The following USP32 variants were observed in gnomAD, a reference collection of about 807,000 sequenced individuals.
USP32 encodes ubiquitin carboxyl-terminal hydrolase 32.
A neutral mutation model predicts 204.8 loss-of-function variants in USP32; 59 were observed. The ratio of observed to expected loss-of-function variants is 0.29; its 90% CI spans 0.23 to 0.36. The LOEUF (loss-of-function observed/expected upper bound fraction) is 0.36. Ranked by LOEUF, USP32 falls within the 10% of genes least tolerant of loss-of-function variation. The pLI is 1.00. For synonymous variants in USP32, 517 were observed against 678.4 expected, an observed-to-expected ratio of 0.76 and a Z score of 3.70; for missense variants, 1,160 against 1,946.4, an observed-to-expected ratio of 0.60 and a Z score of 7.60.
intron 7 of USP32, among the ~76,000 whole-genome samples, chr17:60,267,746 C>G (rs1387917386): frequency 6.6e-6 from 1 of 152,054 alleles, no homozygotes; most frequent in Non-Finnish European, 1.5e-5. Context: ...ATCTTGAACT[C>G]CTGACCTTGT....
intron 2 of USP32, among the ~76,000 whole-genome samples, chr17:60,308,317 C>T (rs1052367439): frequency 6.6e-6 from 1 of 152,076 alleles, no homozygotes; most frequent in African/African-American, 2.4e-5. Context: ...AAACAGTCAC[C>T]CCTAGATGCT....
chr17:60,208,612 A>G (rs2084890104), intron 23 of USP32, 42 bp downstream of exon 23: 2 of 1,461,644 alleles, frequency 1.4e-6, no homozygotes, highest in Admixed American at 2.6e-5. Context: ...AATAAAGTAA[A>G]TTTAATGGAG....
chr17:60,269,432 A>C lies in USP32; in HGVS notation c.811+18T>G. On this transcript the variant is annotated intron_variant, in intron 7 of 33. Coordinates refer to ENST00000300896, the MANE Select transcript of USP32 (RefSeq NM_032582.4). ...TCTACATAGTTTGCAATTTTTTGAC[A>C]ATGTTTAACACACTTACATTTTTGT... 1 of 1,592,912 alleles carries C rather than the reference A, an allele frequency of 6.3e-7. No homozygotes were observed. Among genetic ancestry groups the C allele is most frequent in the Non-Finnish European group, 8.6e-7 (1 of 1,169,514 alleles).
At chr17:60,300,408 T>C (rs1264617098) in intron 3 of USP32, among the ~76,000 whole-genome samples, 3 of 152,188 alleles carry the variant, frequency 2.0e-5, no homozygotes, top group African/African-American at 7.2e-5. Flanking sequence ...TTATCTTCCC[T>C]TTCACATTTA....
chr17:60,183,952 C>T (rs1159978084), intron 30 of USP32, among the ~76,000 whole-genome samples: 1 of 152,068 alleles, frequency 6.6e-6, no homozygotes, highest in Non-Finnish European at 1.5e-5. Flanking sequence ...AAAATCTATG[C>T]TTTTAATTGT....
chr17:60,199,382 G>A (rs572350206), intron 26 of USP32, among the ~76,000 whole-genome samples: 24 of 152,032 alleles, frequency 1.6e-4, no homozygotes, highest in Middle Eastern at 3.2e-3. Flanking sequence ...CTTTGAGTAC[G>A]TTAAAGAGAT....
intron 2 of USP32, among the ~76,000 whole-genome samples, chr17:60,340,533 T>A (rs112758447): frequency 0.044 from 6,756 of 152,296 alleles, 538 homozygotes; most frequent in African/African-American, 0.15. Context: ...TAGATCTTTC[T>A]CCATCCCTTT....
rs200771688 is a variant in USP32 at position 60,252,393 on chromosome 17, C to T, written c.1124G>A (p.Gly375Glu). 31 of 1,608,412 alleles carry T rather than the reference C, an allele frequency of 1.9e-5. No individual in the cohort carries two copies. Among genetic ancestry groups the T allele is most frequent in the Non-Finnish European group, 2.2e-5 (26 of 1,177,658 alleles). Residue 375 changes from glycine to glutamate, a missense_variant, in exon 11 of 34, where the codon GGA (glycine) becomes GAA (glutamate). Coordinates refer to ENST00000300896, the MANE Select transcript of USP32 (RefSeq NM_032582.4). The stretch of plus-strand genomic sequence containing the variant: ...ACTACAAATTTACCTAATAATTTGT[C>T]CTTCTTCTTCCGGAGTAGCTGGTCT... Reference protein sequence around the residue: ...GLRPATPEEEGQIIRGWLERE... With the variant: ...GLRPATPEEEEQIIRGWLERE...
chr17:60,182,580 T>C (rs2084138786), intron 31 of USP32, among the ~76,000 whole-genome samples: 2 of 152,046 alleles, frequency 1.3e-5, no homozygotes, highest in African/African-American at 2.4e-5. Flanking sequence ...CTGGGAAATA[T>C]GGCAAAGCAC....
At chr17:60,183,539 G>A (rs1293431858) in intron 30 of USP32, 86 bp from the exon 31 acceptor site, 97 of 1,444,636 alleles carry the variant, frequency 6.7e-5, no homozygotes, top group Non-Finnish European at 8.6e-5. Context: ...AAATACATGT[G>A]AATGTTTGGG....
chr17:60,371,778 A>G (rs2089447500), intron 1 of USP32, among the ~76,000 whole-genome samples: 2 of 152,198 alleles, frequency 1.3e-5, no homozygotes, highest in South Asian at 4.1e-4. Context: ...CACATGAGAC[A>G]TTAGAAGAAT....
chr17:60,249,856 T>TCCTGAA, intron 11 of USP32: 18 of 644,356 alleles, frequency 2.8e-5, no homozygotes, highest in Non-Finnish European at 4.7e-5. Flanking sequence ...CGATACTTTT[T>TCCTGAA]TTTTTTAACA....
intron 2 of USP32, chr17:60,305,057 G>T (rs1327031227): frequency 6.6e-6 from 1 of 152,154 alleles, no homozygotes; most frequent in Non-Finnish European, 1.5e-5. Flanking sequence ...GGAAAGACAG[G>T]CTTCTGAAAC....
In USP32 at chr17:60,408,396, G is replaced by A. The variant is rs2089994776; in HGVS notation, c.106+13850C>T. Among the ~76,000 whole-genome samples, 4 of 146,972 alleles carry A rather than the reference G, an allele frequency of 2.7e-5. No individual in the cohort carries two copies. In the South Asian group the frequency reaches 8.7e-4, roughly 32 times the overall value. ...TCAATCTGGCTCAACTTTTTTTTTT[G>A]AGACAGAGTCTCGCTCTGTCCCCCA... On this transcript the variant is annotated intron_variant, in intron 1 of 3. Coordinates refer to the USP32 transcript ENST00000588898.
chr17:60,375,666 C>T (rs555977020), intron 1 of USP32, among the ~76,000 whole-genome samples: 23 of 152,238 alleles, frequency 1.5e-4, no homozygotes, highest in Non-Finnish European at 3.1e-4. Context: ...TGCAGTGGCA[C>T]GATCTTGGCT....
chr17:60,275,943 A>G (rs970324529), intron 5 of USP32, among the ~76,000 whole-genome samples: 34 of 152,124 alleles, frequency 2.2e-4, no homozygotes, highest in Admixed American at 1.2e-3. Flanking sequence ...TGGAGCAATA[A>G]AGATAAAATT....
chr17:60,195,922 A>G (rs933436913), intron 27 of USP32, among the ~76,000 whole-genome samples: 1 of 152,106 alleles, frequency 6.6e-6, no homozygotes, highest in Non-Finnish European at 1.5e-5. Flanking sequence ...CTCCTTCTCC[A>G]GTTTTCCTTC....
chr17:60,379,658 C>T (rs920442166), intron 1 of USP32, among the ~76,000 whole-genome samples: 5 of 152,180 alleles, frequency 3.3e-5, no homozygotes, highest in Admixed American at 1.3e-4. Context: ...TCCTCTGAGA[C>T]CTGTAATTAT....
At chr17:60,301,738 C>A (rs2087583163) in intron 2 of USP32, 34 bp from the exon 3 acceptor site, 1 of 1,464,130 alleles carries the variant, frequency 6.8e-7, no homozygotes, top group Non-Finnish European at 9.3e-7. Context: ...CCTTAGGAGG[C>A]ATTTCAGTTG....
Sources: allele counts gnomAD v4.1 joint callset (sites outside exome capture counted in the v4.1 genomes callset), GRCh38; gene constraint gnomAD v4.1.1; transcripts MANE v1.5; gene names NCBI Gene and HGNC (gene_info 2026-07-23, HGNC 2026-07-21).